Variants in ZMAT4 observed in about 807,000 individuals in gnomAD.
ZMAT4 encodes zinc finger matrin-type protein 4.
Under a neutral mutation model 28.7 loss-of-function variants are expected in ZMAT4, and 17 were observed. That is an observed-to-expected ratio of 0.59 (90% CI 0.41 to 0.89). The LOEUF is 0.89. Among genes scored for constraint, ZMAT4 ranks in the 40% least tolerant of loss-of-function variants. ZMAT4 has a pLI of 0.00. For missense variants in ZMAT4, 240 were observed against 283.8 expected (o/e 0.85, Z 1.11); for synonymous variants, 117 against 109.2 (o/e 1.07, Z -0.44).
chr8:40,746,989 G>A (rs1261814585), intron 3 of ZMAT4, among the ~76,000 whole-genome samples: 8 of 152,106 alleles, frequency 5.3e-5, no homozygotes, highest in Admixed American at 3.3e-4. Flanking sequence ...CTCTCCCCAC[G>A]TGCTCTCCCA....
chr8:40,675,054 C>A, intron 4 of ZMAT4, 123 bp from the exon 5 acceptor site: 1 of 630,120 alleles, frequency 1.6e-6, no homozygotes. Flanking sequence ...CCCAAGAGTT[C>A]ATTGACAGCA....
At chr8:40,663,199 T>C (rs1175451502) in intron 5 of ZMAT4, among the ~76,000 whole-genome samples, 2 of 152,144 alleles carry the variant, frequency 1.3e-5, no homozygotes, top group Non-Finnish European at 2.9e-5. Flanking sequence ...CCCTTCCCCA[T>C]CTGGCCTGTA....
At chr8:40,849,999 C>T (rs1202718887) in intron 1 of ZMAT4, among the ~76,000 whole-genome samples, 3 of 152,254 alleles carry the variant, frequency 2.0e-5, no homozygotes, top group East Asian at 3.9e-4. Flanking sequence ...TTTCTTCCCA[C>T]CCATCTGATC....
intron 4 of ZMAT4, among the ~76,000 whole-genome samples, chr8:40,677,992 T>A (rs1284844029): frequency 1.3e-5 from 2 of 152,262 alleles, no homozygotes; most frequent in East Asian, 3.9e-4. Flanking sequence ...ATCAATTGTA[T>A]CAAAAACTCT....
intron 1 of ZMAT4, among the ~76,000 whole-genome samples, chr8:40,847,093 T>C (rs1045535182): frequency 6.6e-6 from 1 of 151,780 alleles, no homozygotes; most frequent in African/African-American, 2.4e-5. Flanking sequence ...TAATCCCAGC[T>C]ACTCAGGAGG....
intron 6 of ZMAT4, among the ~76,000 whole-genome samples, chr8:40,564,836 A>G (rs1450522603): frequency 6.6e-6 from 1 of 152,192 alleles, no homozygotes; most frequent in African/African-American, 2.4e-5. Flanking sequence ...TGGGCACAGG[A>G]TGAGATATTT....
At chr8:40,751,940 CT>C (rs1279818417) in intron 3 of ZMAT4, among the ~76,000 whole-genome samples, 1 of 152,128 alleles carries the variant, frequency 6.6e-6, no homozygotes, top group African/African-American at 2.4e-5. Context: ...GGGAAGACCC[CT>C]GTCCTCCTAA....
intron 6 of ZMAT4, among the ~76,000 whole-genome samples, chr8:40,533,960 A>G (rs1802770628): frequency 6.6e-6 from 1 of 152,218 alleles, no homozygotes; most frequent in African/African-American, 2.4e-5. Flanking sequence ...AAAGATGAAC[A>G]CTTTTGAGAT....
intron 5 of ZMAT4, among the ~76,000 whole-genome samples, chr8:40,671,218 T>A (rs1433015705): frequency 6.6e-6 from 1 of 152,210 alleles, no homozygotes; most frequent in Admixed American, 6.5e-5. Context: ...TTTTTATATG[T>A]TGGCTTTTTG....
At chr8:40,702,143 A>G (rs1810176449) in intron 3 of ZMAT4, among the ~76,000 whole-genome samples, 1 of 152,088 alleles carries the variant, frequency 6.6e-6, no homozygotes, top group Non-Finnish European at 1.5e-5. Context: ...CAACCCCTCA[A>G]TCTTGGACTT....
At chr8:40,559,023 T>A (rs1402627765) in intron 6 of ZMAT4, among the ~76,000 whole-genome samples, 1 of 152,174 alleles carries the variant, frequency 6.6e-6, no homozygotes, top group Non-Finnish European at 1.5e-5. Flanking sequence ...ACTAATAAAC[T>A]ATGTTTTAAC....
At chr8:40,723,280 C>T (rs1189807953) in intron 3 of ZMAT4, among the ~76,000 whole-genome samples, 2 of 152,072 alleles carry the variant, frequency 1.3e-5, no homozygotes, top group African/African-American at 2.4e-5. Context: ...CGGTGGCTCA[C>T]GCCTGTAATC....
intron 1 of ZMAT4, among the ~76,000 whole-genome samples, 172 bp downstream of exon 1, chr8:40,897,511 T>C (rs1818918301): frequency 6.6e-6 from 1 of 152,096 alleles, no homozygotes; most frequent in Non-Finnish European, 1.5e-5. Flanking sequence ...AGCGCAGAAG[T>C]TTCCCAAATT....
intron 3 of ZMAT4, among the ~76,000 whole-genome samples, chr8:40,749,392 A>G (rs1812367907): frequency 1.3e-5 from 2 of 152,186 alleles, no homozygotes; most frequent in South Asian, 4.1e-4. Context: ...AATTAAGGAA[A>G]TTGACTGAGG....
intron 5 of ZMAT4, among the ~76,000 whole-genome samples, chr8:40,667,663 A>G (rs1398374224): frequency 6.6e-6 from 1 of 152,156 alleles, no homozygotes; most frequent in African/African-American, 2.4e-5. Flanking sequence ...GAATAACACC[A>G]TGGGATCTAT....
At chr8:40,759,568 G>A (rs189519423) in intron 3 of ZMAT4, among the ~76,000 whole-genome samples, 3 of 152,124 alleles carry the variant, frequency 2.0e-5, no homozygotes, top group Admixed American at 6.5e-5. Context: ...AAACTGAATC[G>A]GCTGACAACT....
At chr8:40,608,844 G>C (rs1254844603) in intron 5 of ZMAT4, among the ~76,000 whole-genome samples, 1 of 152,112 alleles carries the variant, frequency 6.6e-6, no homozygotes, top group East Asian at 1.9e-4. Flanking sequence ...CCATGATCTG[G>C]ACCATCAGTT....
intron 3 of ZMAT4, among the ~76,000 whole-genome samples, chr8:40,719,820 C>T (rs757403253): frequency 1.3e-5 from 2 of 152,154 alleles, no homozygotes; most frequent in South Asian, 2.1e-4. Flanking sequence ...ATCTGCCCCC[C>T]CTCAGCCTCC....
intron 6 of ZMAT4, among the ~76,000 whole-genome samples, chr8:40,556,917 A>G (rs559882813): frequency 1.9e-4 from 29 of 152,282 alleles, no homozygotes; most frequent in African/African-American, 6.3e-4. Flanking sequence ...GCTAATGAGT[A>G]TTAGGGCTTA....
Sources: allele counts gnomAD v4.1 joint callset (sites outside exome capture counted in the v4.1 genomes callset), GRCh38; gene constraint gnomAD v4.1.1; transcripts MANE v1.5; gene names NCBI Gene and HGNC (gene_info 2026-07-23, HGNC 2026-07-21).